GALNT13: variants seen among roughly 807,000 people sequenced by gnomAD.
GALNT13 encodes polypeptide N-acetylgalactosaminyltransferase 13.
GALNT13 carries 28 observed loss-of-function variants against 64.2 expected under a neutral mutation model. That is an observed-to-expected ratio of 0.44 (90% CI 0.32 to 0.60). The LOEUF is 0.60. GALNT13 is among the 20% of genes least tolerant of loss of function. GALNT13 has a pLI of 0.05. For synonymous variants in GALNT13, 214 were observed against 224.6 expected, an observed-to-expected ratio of 0.95 and a Z score of 0.42; for missense variants, 577 against 669.8, an observed-to-expected ratio of 0.86 and a Z score of 1.53.
the GALNT13 span, chr2:153,478,135 T>G: frequency 2.3e-6 from 2 of 881,096 alleles, no homozygotes; most frequent in Non-Finnish European, 3.4e-6. Flanking sequence ...AATAATTGAC[T>G]CCGACAGGTT....
In GALNT13 at chr2:154,060,416, C is replaced by T. The variant is rs541172267; in HGVS notation, c.143-79921C>T. On this transcript the variant is annotated intron_variant, in intron 3 of 12. Transcript: ENST00000392825. ...TGTTGCCCAGGCTGGAGTGCAGTGG[C>T]GTGATCTCATCTCGTTGCAACCTCC... 4.6e-5 allele frequency among the ~76,000 whole-genome samples: 7 copies of T among 152,158 alleles called. No individual in the cohort carries two copies. In the East Asian group the frequency reaches 1.4e-3, roughly 29 times the overall value.
chr2:153,123,579 A>G, the GALNT13 span, among the ~76,000 whole-genome samples: 1 of 152,334 alleles, frequency 6.6e-6, no homozygotes, highest in East Asian at 1.9e-4. Context: ...GACAGGAATA[A>G]ACCAAATCTC....
At chr2:153,937,149 T>C (rs1358155987) in intron 2 of GALNT13, among the ~76,000 whole-genome samples, 5 of 152,132 alleles carry the variant, frequency 3.3e-5, no homozygotes, top group Admixed American at 2.0e-4. Context: ...CCACGAACAA[T>C]GAAAACATAT....
At chr2:153,562,916 CT>C in the GALNT13 span, among the ~76,000 whole-genome samples, 10 of 152,186 alleles carry the variant, frequency 6.6e-5, no homozygotes, top group South Asian at 2.1e-3. Flanking sequence ...TATTCTGATA[CT>C]TTTCTCAGTT....
At chr2:153,079,994 T>A in the GALNT13 span, among the ~76,000 whole-genome samples, 17 of 128,416 alleles carry the variant, frequency 1.3e-4, no homozygotes, top group African/African-American at 4.3e-4. Flanking sequence ...GCAAGTTGTA[T>A]TTTTTTCCTG....
the GALNT13 span, among the ~76,000 whole-genome samples, chr2:153,543,861 A>T: frequency 6.6e-6 from 1 of 152,190 alleles, no homozygotes; most frequent in African/African-American, 2.4e-5. Flanking sequence ...ACCTTTCTCT[A>T]TTTATAGCAG....
the GALNT13 span, among the ~76,000 whole-genome samples, chr2:153,602,790 T>A: frequency 3.3e-5 from 5 of 151,752 alleles, no homozygotes; most frequent in Non-Finnish European, 7.4e-5. Flanking sequence ...AATACATTGC[T>A]CTGGCACCAT....
chr2:153,672,708 A>T, the GALNT13 span, among the ~76,000 whole-genome samples: 2 of 152,154 alleles, frequency 1.3e-5, no homozygotes, highest in East Asian at 3.9e-4. Flanking sequence ...AGATCAGAGC[A>T]GAACTGAAGT....
chr2:154,285,025 T>C (rs1692181112), intron 8 of GALNT13, among the ~76,000 whole-genome samples: 1 of 152,194 alleles, frequency 6.6e-6, no homozygotes, highest in African/African-American at 2.4e-5. Flanking sequence ...CATATCTTTT[T>C]TTGAGAATTA....
At chr2:153,527,539 A>T in the GALNT13 span, among the ~76,000 whole-genome samples, 1 of 152,180 alleles carries the variant, frequency 6.6e-6, no homozygotes, top group African/African-American at 2.4e-5. Flanking sequence ...GAATACTTTG[A>T]TCAGAAAGAG....
chr2:153,931,323 G>A (rs1334593102), intron 2 of GALNT13, among the ~76,000 whole-genome samples: 2 of 151,070 alleles, frequency 1.3e-5, no homozygotes, highest in African/African-American at 4.9e-5. Context: ...CTTTCTATTT[G>A]GATAGCTTTT....
intron 3 of GALNT13, among the ~76,000 whole-genome samples, chr2:154,047,434 T>G (rs1699346732): frequency 6.6e-6 from 1 of 152,030 alleles, no homozygotes; most frequent in African/African-American, 2.4e-5. Context: ...TAGTTAAGAG[T>G]ATATGGTCTG....
At chr2:153,792,634 A>G in the GALNT13 span, among the ~76,000 whole-genome samples, 6 of 152,154 alleles carry the variant, frequency 3.9e-5, no homozygotes, top group South Asian at 2.1e-4. Flanking sequence ...TCCAGGCATG[A>G]TTTTTAATAG....
At chr2:153,266,245 ATGCTT>A in the GALNT13 span, among the ~76,000 whole-genome samples, 1 of 152,228 alleles carries the variant, frequency 6.6e-6, no homozygotes, top group East Asian at 1.9e-4. Flanking sequence ...AGGAACATAA[ATGCTT>A]TAGTAAGATG....
the GALNT13 span, among the ~76,000 whole-genome samples, chr2:153,296,238 G>A: frequency 5.3e-5 from 8 of 152,084 alleles, no homozygotes; most frequent in African/African-American, 1.9e-4. Flanking sequence ...CCCCAGGAGG[G>A]AATGGAAGTT....
the GALNT13 span, among the ~76,000 whole-genome samples, chr2:153,576,218 G>A: frequency 3.5e-4 from 53 of 152,194 alleles, no homozygotes; most frequent in African/African-American, 1.3e-3. Flanking sequence ...GTGCAGCCTG[G>A]GATTAGGGGA....
chr2:154,333,431 A>G (rs1434248342), intron 9 of GALNT13, among the ~76,000 whole-genome samples: 2 of 152,112 alleles, frequency 1.3e-5, no homozygotes, highest in Non-Finnish European at 2.9e-5. Context: ...AAGAACATGT[A>G]TAACTCTTTT....
the GALNT13 span, among the ~76,000 whole-genome samples, chr2:153,571,438 T>C: frequency 6.6e-6 from 1 of 152,064 alleles, no homozygotes; most frequent in African/African-American, 2.4e-5. Context: ...TTGATGGCTT[T>C]TATTTCTTTT....
intron 11 of GALNT13, among the ~76,000 whole-genome samples, chr2:154,424,669 G>A (rs1048737391): frequency 4.6e-5 from 7 of 152,114 alleles, no homozygotes; most frequent in African/African-American, 1.4e-4. Flanking sequence ...GACTGACTCC[G>A]ACGTGCTTAT....
Sources: allele counts gnomAD v4.1 joint callset (sites outside exome capture counted in the v4.1 genomes callset), GRCh38; gene constraint gnomAD v4.1.1; transcripts MANE v1.5; gene names NCBI Gene and HGNC (gene_info 2026-07-23, HGNC 2026-07-21).